KCTD16: variants seen among roughly 807,000 people sequenced by gnomAD.
KCTD16 encodes BTB/POZ domain-containing protein KCTD16.
A neutral mutation model predicts 33.2 loss-of-function variants in KCTD16; 13 were observed. The observed-to-expected ratio is 0.39, with a 90% CI of 0.25 to 0.62. KCTD16 has a LOEUF of 0.62. KCTD16 is among the 20% of genes least tolerant of loss of function. The pLI is 0.50. For missense variants in KCTD16, 441 were observed against 525.1 expected (o/e 0.84, Z 1.57); for synonymous variants, 197 against 195.3 (o/e 1.01, Z -0.07).
At position 144,362,765 on chromosome 5, in the gene KCTD16, A is replaced by C. The variant is rs561033965; in HGVS notation, c.833-110895A>C. The stretch of plus-strand genomic sequence containing the variant: ...GAGCATAGGCAGTACCGTCTGACAC[A>C]CTTGAGCTGAAACCCAAGCCCTGCC... On this transcript the variant is annotated intron_variant, in intron 3 of 3. Coordinates refer to ENST00000512467, the MANE Select transcript of KCTD16 (RefSeq NM_020768.4). 6.0e-4 allele frequency among the ~76,000 whole-genome samples: 92 copies of C among 152,284 alleles called. 1 individual carries two copies. The highest frequency in any genetic ancestry group is 2.2e-3 in the African/African-American group (90 of 41,560).
Position 144,338,842 on chromosome 5 carries a change from T to C in KCTD16, c.832+131296T>C, listed in dbSNP as rs80297112. On this transcript the variant is annotated intron_variant, in intron 3 of 3. Transcript: ENST00000512467. ...CCAAGGGGTTACTCTCAGAGATTCA[T>C]TGCAGTTATTCAGATTCTCCTCACT... Among the ~76,000 whole-genome samples the C allele has an allele frequency of 1.0e-3, 153 of 152,276 alleles. 1 individual carries two copies. The highest frequency in any genetic ancestry group is 3.6e-3 in the African/African-American group (150 of 41,564).
At chr5:144,411,373 A>G (rs1163044425) in intron 3 of KCTD16, among the ~76,000 whole-genome samples, 6 of 152,200 alleles carry the variant, frequency 3.9e-5, no homozygotes, top group Non-Finnish European at 5.9e-5. Flanking sequence ...ACCCAGATAT[A>G]AATCCATGCA....
intron 3 of KCTD16, among the ~76,000 whole-genome samples, chr5:144,468,567 A>G (rs1754400317): frequency 6.6e-6 from 1 of 152,222 alleles, no homozygotes; most frequent in Non-Finnish European, 1.5e-5. Flanking sequence ...TAGCCTGCCT[A>G]TTCCCAATCT....
chr5:144,189,373 G>A (rs1001241843), intron 2 of KCTD16, among the ~76,000 whole-genome samples: 5 of 151,990 alleles, frequency 3.3e-5, no homozygotes, highest in Non-Finnish European at 5.9e-5. Flanking sequence ...GCGGGCGCCT[G>A]TAGTCCCAGC....
chr5:144,387,843 T>C (rs1478508894), intron 3 of KCTD16, among the ~76,000 whole-genome samples: 1 of 152,132 alleles, frequency 6.6e-6, no homozygotes, highest in Non-Finnish European at 1.5e-5. Flanking sequence ...AACCCTATCA[T>C]TGAAGAGTTT....
chr5:144,355,008 C>G (rs114539574), intron 3 of KCTD16, among the ~76,000 whole-genome samples: 1,917 of 152,260 alleles, frequency 0.013, 35 homozygotes, highest in African/African-American at 0.044. Flanking sequence ...CTTATTTGGT[C>G]TTCACAACAT....
At chr5:144,197,623 G>T (rs1019305398) in intron 2 of KCTD16, among the ~76,000 whole-genome samples, 1 of 152,164 alleles carries the variant, frequency 6.6e-6, no homozygotes, top group African/African-American at 2.4e-5. Context: ...GGTGTTCTTT[G>T]TGATGCCAAA....
At chr5:144,258,419 G>A (rs1259535226) in intron 3 of KCTD16, among the ~76,000 whole-genome samples, 1 of 152,142 alleles carries the variant, frequency 6.6e-6, no homozygotes, top group Non-Finnish European at 1.5e-5. Flanking sequence ...AAAAGTGAAT[G>A]TATAAAAGTT....
chr5:144,465,192 T>A (rs979659045), intron 3 of KCTD16, among the ~76,000 whole-genome samples: 3 of 45,112 alleles, frequency 6.7e-5, no homozygotes, highest in African/African-American at 2.7e-4. Flanking sequence ...CCCCCCCCTC[T>A]CTCTCTCACT....
At chr5:144,240,552 A>C (rs1449333205) in intron 3 of KCTD16, among the ~76,000 whole-genome samples, 1 of 152,170 alleles carries the variant, frequency 6.6e-6, no homozygotes, top group Non-Finnish European at 1.5e-5. Flanking sequence ...TCAGTATAAT[A>C]CATTAGCTAA....
chr5:144,462,408 A>T (rs1407884844), intron 3 of KCTD16, among the ~76,000 whole-genome samples: 1 of 152,040 alleles, frequency 6.6e-6, no homozygotes, highest in Non-Finnish European at 1.5e-5. Context: ...TTAACTAAAA[A>T]TTTTACCGTC....
chr5:144,355,138 C>T (rs1023776053), intron 3 of KCTD16, among the ~76,000 whole-genome samples: 2 of 152,124 alleles, frequency 1.3e-5, no homozygotes, highest in African/African-American at 4.8e-5. Flanking sequence ...GGGAAACAGA[C>T]CTACTACCGC....
chr5:144,436,295 C>T (rs1753574462), intron 3 of KCTD16, among the ~76,000 whole-genome samples: 1 of 152,148 alleles, frequency 6.6e-6, no homozygotes, highest in Non-Finnish European at 1.5e-5. Flanking sequence ...ATCTGGTGCC[C>T]TAAATACCTC....
At chr5:144,379,476 G>A (rs1752163377) in intron 3 of KCTD16, among the ~76,000 whole-genome samples, 1 of 152,092 alleles carries the variant, frequency 6.6e-6, no homozygotes, top group Non-Finnish European at 1.5e-5. Context: ...TGGAGGGTTT[G>A]GGAGTTACTT....
chr5:144,310,170 G>T (rs1056920113), intron 3 of KCTD16, among the ~76,000 whole-genome samples: 3 of 151,752 alleles, frequency 2.0e-5, no homozygotes, highest in Admixed American at 6.6e-5. Flanking sequence ...TCTGTGTCTG[G>T]CTTATTTCAC....
chr5:144,269,212 G>A (rs1171163339), intron 3 of KCTD16, among the ~76,000 whole-genome samples: 1 of 151,922 alleles, frequency 6.6e-6, no homozygotes, highest in Non-Finnish European at 1.5e-5. Context: ...TCCCAAATTT[G>A]ATAAAAGACA....
At chr5:144,323,014 C>T (rs1752114211) in intron 3 of KCTD16, among the ~76,000 whole-genome samples, 1 of 152,134 alleles carries the variant, frequency 6.6e-6, no homozygotes, top group South Asian at 2.1e-4. Context: ...TCTTCATTCA[C>T]ACCTCATCAA....
intron 3 of KCTD16, among the ~76,000 whole-genome samples, chr5:144,385,761 A>T (rs553785026): frequency 6.6e-6 from 1 of 152,228 alleles, no homozygotes; most frequent in South Asian, 2.1e-4. Flanking sequence ...TGCTGCACAG[A>T]TATGTTGGTC....
chr5:144,310,584 A>G (rs944763756), intron 3 of KCTD16, among the ~76,000 whole-genome samples: 1 of 98,694 alleles, frequency 1.0e-5, no homozygotes. Flanking sequence ...AATATTATAT[A>G]TTTTTTTTGA....
Sources: gnomAD v4.1 joint callset for allele counts (sites outside exome capture counted in the v4.1 genomes callset) on GRCh38, gnomAD v4.1.1 for gene constraint, MANE v1.5 for transcripts, NCBI Gene and HGNC (gene_info 2026-07-23, HGNC 2026-07-21) for gene names.